Variants in ADAM19 observed in about 807,000 individuals in gnomAD.
The protein encoded by ADAM19 is disintegrin and metalloproteinase domain-containing protein 19.
In ADAM19, 65 loss-of-function variants were observed where a neutral mutation model predicts 114.7. That is an observed-to-expected ratio of 0.57 (90% CI 0.46 to 0.70). The LOEUF is 0.70. Ranked by LOEUF, ADAM19 falls within the 30% of genes least tolerant of loss-of-function variation. The probability of loss-of-function intolerance (pLI) is 0.00; values close to 1 mark genes in which losing one functional copy is unlikely to be tolerated. For synonymous variants in ADAM19, 466 were observed against 460.5 expected, an observed-to-expected ratio of 1.01 and a Z score of -0.15; for missense variants, 1,063 against 1,204.7, an observed-to-expected ratio of 0.88 and a Z score of 1.74.
At chr5:157,501,434 T>C (rs192289938) in intron 12 of ADAM19, among the ~76,000 whole-genome samples, 51 of 152,354 alleles carry the variant, frequency 3.3e-4, no homozygotes, top group Middle Eastern at 3.4e-3. Context: ...CAATATGTGT[T>C]TCTCCCACTA....
intron 21 of ADAM19, 87 bp from the exon 22 acceptor site, chr5:157,482,030 T>G (rs919281456): frequency 6.1e-5 from 67 of 1,107,292 alleles, no homozygotes; most frequent in Non-Finnish European, 7.7e-5. Context: ...TAAAATCAGA[T>G]AGATAAAAGT....
Position 157,570,818 on chromosome 5 carries a change from T to G in ADAM19, c.180+77A>C, listed in dbSNP as rs1476821715. ...CAGAACTAATGGTGATGACTGGGAT[T>G]CTAAGAAAGTTGAGTAGGTAGCCCA... On this transcript the variant is annotated intron_variant, in intron 2 of 22. Transcript: ENST00000257527. 10 of 1,269,306 alleles carry G rather than the reference T, an allele frequency of 7.9e-6. No homozygotes were observed. In the African/African-American group the frequency reaches 1.3e-4, roughly 17 times the overall value. The allele number at this position is 1,269,306 out of a possible 1,614,324, so 78.6% of individuals were successfully genotyped here.
At chr5:157,521,167 A>G (rs755872034) in intron 5 of ADAM19, among the ~76,000 whole-genome samples, 26 of 152,256 alleles carry the variant, frequency 1.7e-4, no homozygotes, top group Non-Finnish European at 2.8e-4. Flanking sequence ...AGCAAGAAAG[A>G]GGACCATGAC....
chr5:157,573,428 G>A (rs553362088), intron 1 of ADAM19, among the ~76,000 whole-genome samples: 7 of 152,294 alleles, frequency 4.6e-5, no homozygotes, highest in African/African-American at 9.6e-5. Context: ...GTCTGACAGA[G>A]ATGTAAGTGA....
chr5:157,524,321 ATTCTCCATTCTG>A (rs1756392490), intron 5 of ADAM19, among the ~76,000 whole-genome samples: 1 of 152,244 alleles, frequency 6.6e-6, no homozygotes, highest in African/African-American at 2.4e-5. Context: ...CTCACATGCC[ATTCTCCATTCTG>A]TTCTCCATCC....
chr5:157,559,064 G>T (rs1757436471), intron 3 of ADAM19, among the ~76,000 whole-genome samples: 1 of 151,970 alleles, frequency 6.6e-6, no homozygotes, highest in African/African-American at 2.4e-5. Flanking sequence ...ATTAAAGTTG[G>T]AAGTAATGAT....
chr5:157,556,842 C>T (rs1042417372), intron 3 of ADAM19, among the ~76,000 whole-genome samples: 1 of 152,112 alleles, frequency 6.6e-6, no homozygotes, highest in Non-Finnish European at 1.5e-5. Flanking sequence ...GTGCCTTTTC[C>T]GAAGTATCCA....
chr5:157,540,998 C>G (rs1006036470), intron 3 of ADAM19, among the ~76,000 whole-genome samples: 1 of 152,192 alleles, frequency 6.6e-6, no homozygotes, highest in African/African-American at 2.4e-5. Context: ...ACTCATGAAT[C>G]AGACAGAAAC....
At chr5:157,528,784 T>C (rs913554669) in intron 5 of ADAM19, among the ~76,000 whole-genome samples, 2 of 152,190 alleles carry the variant, frequency 1.3e-5, no homozygotes, top group African/African-American at 2.4e-5. Context: ...AAAAGTACTA[T>C]AATTACAGCA....
intron 3 of ADAM19, among the ~76,000 whole-genome samples, chr5:157,562,522 C>A (rs370661327): frequency 6.6e-6 from 1 of 152,214 alleles, no homozygotes; most frequent in Non-Finnish European, 1.5e-5. Context: ...AACCATCCCA[C>A]GAGGCTGGCC....
rs139715035 is a variant in ADAM19 at position 157,509,329 on chromosome 5, T to C, written c.877A>G (p.Lys293Glu). Reference sequence around the variant, plus strand: ...ATTAATTGGGCGTTGTCATGGTACTTCTGGGCAAGCAGCTTGCGCCTCCAA... The same window carrying C: ...ATTAATTGGGCGTTGTCATGGTACTCCTGGGCAAGCAGCTTGCGCCTCCAA... ...LSWRRKLLAQ[K>E]YHDNAQLITG... The change falls in exon 9 of 23, where the codon AAG becomes GAG. Residue 293 changes from lysine (K) to glutamate (E), a missense_variant. By Grantham distance (56) the Lys-to-Glu change is moderately conservative (BLOSUM62 1). This residue lies in a region of ADAM19 where 615 missense variants were observed against 706.3 expected (regional missense o/e 0.87). Coordinates refer to ENST00000257527, the MANE Select transcript of ADAM19 (RefSeq NM_033274.5). The C allele has an allele frequency of 4.5e-5, 73 of 1,611,574 alleles. 1 individual carries two copies. The highest frequency in any genetic ancestry group is 6.2e-5 in the Non-Finnish European group (73 of 1,178,558).
Position 157,490,361 on chromosome 5 carries a change from A to G in ADAM19, c.2189T>C (p.Leu730Pro). The change falls in exon 19 of 23, where the codon CTA becomes CCA. Residue 730 changes from leucine to proline, a missense_variant. This residue lies in a region of ADAM19 where 424 missense variants were observed against 445.5 expected (regional missense o/e 0.95). Coordinates refer to ENST00000257527, the MANE Select transcript of ADAM19 (RefSeq NM_033274.5). The stretch of plus-strand genomic sequence containing the variant: ...GAGAGCTGAGGGCTTGAGTTGGCCT[A>G]GTTTGTTGTTCTGTCTGCAGCAGTA... ...MYYCCRQNNK[L>P]GQLKPSALPS... The G allele has an allele frequency of 6.2e-7, 1 of 1,614,078 alleles. No homozygotes were observed. The highest frequency in any genetic ancestry group is 1.6e-4 in the Middle Eastern group (1 of 6,062).
chr5:157,485,319 C>T (rs1754898192), intron 21 of ADAM19, among the ~76,000 whole-genome samples: 1 of 152,194 alleles, frequency 6.6e-6, no homozygotes, highest in African/African-American at 2.4e-5. Flanking sequence ...ATATAATACA[C>T]ACAGAAAAAG....
Position 157,518,943 on chromosome 5 carries a change from T to A in ADAM19, c.601-55A>T, listed in dbSNP as rs532770303. The A allele has an allele frequency of 5.3e-4, 766 of 1,453,798 alleles. 6 individuals carry two copies. The South Asian group carries it at 8.1e-3, about 15-fold the overall frequency. The allele number at this position is 1,453,798 out of a possible 1,614,324, so 90.1% of individuals were successfully genotyped here. A position where few individuals can be genotyped will look rare whatever the true frequency, so the allele number is the denominator to read the frequency against. ...GAAATAGTGGACTTGGCCTCATTTT[T>A]AAAAAACTGCTAAGAAACAGAGCTG... On this transcript the variant is annotated intron_variant, in intron 6 of 22. Transcript: ENST00000257527.
Position 157,479,382 on chromosome 5 carries a change from A to G in ADAM19, c.*1567T>C, listed in dbSNP as rs1754681674. ...GCAGTGAGGTTTTCAAGAGCAAACAATTGCTCATGGCAGGATGGGAGGAGG... is the reference window on the plus strand; with the variant it reads ...GCAGTGAGGTTTTCAAGAGCAAACAGTTGCTCATGGCAGGATGGGAGGAGG... On this transcript the variant is annotated 3_prime_UTR_variant, in exon 23 of 23. Coordinates refer to ENST00000257527, the MANE Select transcript of ADAM19 (RefSeq NM_033274.5). The G allele has an allele frequency of 1.0e-6, 1 of 986,008 alleles. No individual in the cohort carries two copies. Among genetic ancestry groups the G allele is most frequent in the Admixed American group, 6.1e-5 (1 of 16,276 alleles). The allele number at this position is 986,008 out of a possible 1,614,324, so 61.1% of individuals were successfully genotyped here.
rs756876568 is a variant in ADAM19 at position 157,494,690 on chromosome 5, A to C, written c.1700T>G (p.Met567Arg). 8.3e-5 allele frequency: 134 copies of C among 1,612,842 alleles called. No individual in the cohort carries two copies. The highest frequency in any genetic ancestry group is 1.1e-4 in the Non-Finnish European group (128 of 1,179,166). The change falls in exon 15 of 23, where the codon ATG becomes AGG. Residue 567 changes from methionine (M) to arginine (R), a missense_variant. Around this residue, in one of 3 missense-constraint regions of ADAM19, gnomAD observed 24 missense variants for 53.0 expected, o/e 0.45. Transcript: ENST00000257527. ...AGGCCTGCCCTTTGGTCATCACCTC[A>C]TGTTGCACTTCCTGTGTTCACCATT... ...DMNGEHRKCN[M>R]RDAKCGKIQC...
intron 1 of ADAM19, among the ~76,000 whole-genome samples, chr5:157,573,741 G>GA (rs72337429): frequency 0.22 from 28,600 of 128,462 alleles, 4,131 homozygotes; most frequent in African/African-American, 0.42. Context: ...TAGAGACTCT[G>GA]AAAAAAAAAA....
At chr5:157,573,795 A>G (rs770334287) in intron 1 of ADAM19, among the ~76,000 whole-genome samples, 4 of 152,152 alleles carry the variant, frequency 2.6e-5, no homozygotes, top group Non-Finnish European at 5.9e-5. Flanking sequence ...TAAAAAAGAA[A>G]GATAACCAAG....
rs549585370 is a variant in ADAM19 at position 157,526,409 on chromosome 5, T to A, written c.407+4398A>T. ...ATAATTTTTAACAAAAAAAAATTTT[T>A]AAAAAAGTAAACAACTTACCAACCA... On this transcript the variant is annotated intron_variant, in intron 5 of 22. Coordinates refer to ENST00000257527, the MANE Select transcript of ADAM19 (RefSeq NM_033274.5). 2.6e-5 allele frequency among the ~76,000 whole-genome samples: 4 copies of A among 152,280 alleles called. No homozygotes were observed. The South Asian group carries it at 6.2e-4, about 24-fold the overall frequency.
Sources: allele counts gnomAD v4.1 joint callset (sites outside exome capture counted in the v4.1 genomes callset), GRCh38; gene constraint gnomAD v4.1.1; regional missense constraint gnomAD v4.1.1; transcripts MANE v1.5; gene names NCBI Gene and HGNC (gene_info 2026-07-23, HGNC 2026-07-21).